ACER2: variants seen among roughly 807,000 people sequenced by gnomAD.
ACER2 encodes the protein alkCDase 2.
ACER2 carries 26 observed loss-of-function variants against 34.7 expected under a neutral mutation model. The observed-to-expected ratio is 0.75, with a 90% confidence interval of 0.55 to 1.04. The LOEUF (loss-of-function observed/expected upper bound fraction) is 1.04, where lower values mean the gene tolerates loss of function less well. ACER2 is among the 50% of genes least tolerant of loss of function. The pLI, the probability that ACER2 is intolerant of heterozygous loss-of-function variation, is 0.00. For missense variants in ACER2, 352 were observed against 340.8 expected, an observed-to-expected ratio of 1.03 and a Z score of -0.26; for synonymous variants, 138 against 132.1, an observed-to-expected ratio of 1.04 and a Z score of -0.31.
rs371700047 is a variant in ACER2 at position 19,441,882 on chromosome 9, GT to G, written c.504-4397del. Among the ~76,000 whole-genome samples the G allele has an allele frequency of 1.0e-3, 153 of 152,266 alleles. 4 individuals are homozygous for G. In the South Asian group the frequency reaches 0.028, roughly 28 times the overall value. ...AGACCTCTTTCCCGAATCTTCCCTG[GT>G]TGTCACCTGCAATGATGTTATGTCT... On this transcript the variant is annotated intron_variant, in intron 4 of 5. Coordinates refer to ENST00000340967, the MANE Select transcript of ACER2 (RefSeq NM_001010887.3).
intron 4 of ACER2, among the ~76,000 whole-genome samples, chr9:19,444,174 G>T (rs201234912): frequency 1.1e-5 from 1 of 89,122 alleles, no homozygotes; most frequent in South Asian, 3.7e-4. Flanking sequence ...AAAAAGAAAA[G>T]AAAAAAAAAA....
At chr9:19,440,507 A>G (rs1831120882) in intron 4 of ACER2, among the ~76,000 whole-genome samples, 1 of 152,128 alleles carries the variant, frequency 6.6e-6, no homozygotes, top group Admixed American at 6.5e-5. Flanking sequence ...TGGCCCTTCT[A>G]CCATGTGAGG....
At chr9:19,418,671 A>C (rs1478833700) in intron 1 of ACER2, among the ~76,000 whole-genome samples, 1 of 152,130 alleles carries the variant, frequency 6.6e-6, no homozygotes, top group African/African-American at 2.4e-5. Flanking sequence ...AGGGAGGGAA[A>C]CATCACACAC....
intron 1 of ACER2, among the ~76,000 whole-genome samples, chr9:19,410,693 G>C (rs1193757093): frequency 6.6e-6 from 1 of 152,162 alleles, no homozygotes; most frequent in Non-Finnish European, 1.5e-5. Flanking sequence ...CTGGGCAACA[G>C]GGTCTCAAAG....
chr9:19,428,600 A>T (rs1278382766), intron 3 of ACER2, among the ~76,000 whole-genome samples: 2 of 152,168 alleles, frequency 1.3e-5, no homozygotes, highest in Non-Finnish European at 2.9e-5. Flanking sequence ...AACCTAAAAA[A>T]AAAAGGCTCT....
chr9:19,428,437 G>C (rs932165732), intron 3 of ACER2, among the ~76,000 whole-genome samples: 4 of 152,020 alleles, frequency 2.6e-5, no homozygotes, highest in Non-Finnish European at 5.9e-5. Context: ...CAAAGTACTG[G>C]GATTACAGGT....
chr9:19,425,545 T>G (rs1830535389), intron 3 of ACER2, among the ~76,000 whole-genome samples: 1 of 152,242 alleles, frequency 6.6e-6, no homozygotes, highest in South Asian at 2.1e-4. Flanking sequence ...CTAATGAGCT[T>G]ACACTGAAGT....
In ACER2 at chr9:19,450,920, T is replaced by A. The variant is rs903944866; in HGVS notation, c.*284T>A. The stretch of plus-strand genomic sequence containing the variant: ...TAAACTTTCATGTTGTCACATCTGT[T>A]AATCTTTTCTTTAGGATTTCTGGAT... On this transcript the variant is annotated 3_prime_UTR_variant, in exon 6 of 6. Coordinates refer to ENST00000340967, the MANE Select transcript of ACER2 (RefSeq NM_001010887.3). 4.1e-6 allele frequency: 1 copy of A among 246,208 alleles called. No individual in the cohort carries two copies. Among genetic ancestry groups the A allele is most frequent in the African/African-American group, 2.2e-5 (1 of 44,738 alleles). 15.3% of individuals were successfully genotyped at this position (246,208 alleles called of 1,614,324 possible).
intron 4 of ACER2, among the ~76,000 whole-genome samples, chr9:19,445,942 A>T (rs1357571953): frequency 6.6e-6 from 1 of 152,174 alleles, no homozygotes; most frequent in African/African-American, 2.4e-5. Context: ...CTGATGGACT[A>T]GATGTGGGCT....
Position 19,449,271 on chromosome 9 carries a change from C to G in ACER2, c.642-1179C>G, listed in dbSNP as rs192433205. On this transcript the variant is annotated intron_variant, in intron 5 of 5. Coordinates refer to ENST00000340967, the MANE Select transcript of ACER2 (RefSeq NM_001010887.3). ...GTACAGAGAATAATACATTGAACCC[C>G]CATATAGGCAACACCCAGATTCCAT... Among the ~76,000 whole-genome samples the G allele has an allele frequency of 2.6e-5, 4 of 152,328 alleles. No individual in the cohort carries two copies. In the East Asian group the frequency reaches 7.7e-4, roughly 29 times the overall value.
intron 4 of ACER2, among the ~76,000 whole-genome samples, chr9:19,437,704 C>T (rs559119257): frequency 2.0e-5 from 3 of 152,178 alleles, no homozygotes; most frequent in South Asian, 2.1e-4. Context: ...ATACTTTCTT[C>T]TCCCCCTGAA....
In ACER2 at chr9:19,452,377, T is replaced by C. The variant is rs1439856040; in HGVS notation, c.*1741T>C. 6.6e-6 allele frequency among the ~76,000 whole-genome samples: 1 copy of C among 152,178 alleles called. No homozygotes were observed. The highest frequency in any genetic ancestry group is 1.5e-5 in the Non-Finnish European group (1 of 68,022). On this transcript the variant is annotated 3_prime_UTR_variant, in exon 6 of 6. Coordinates refer to ENST00000340967, the MANE Select transcript of ACER2 (RefSeq NM_001010887.3). Reference sequence around the variant, plus strand: ...TTTAGAGTTTAAAAATGAATGACTTTATGCTACATCTGTGGTTATCAAATT... The same window carrying C: ...TTTAGAGTTTAAAAATGAATGACTTCATGCTACATCTGTGGTTATCAAATT...
intron 4 of ACER2, among the ~76,000 whole-genome samples, chr9:19,444,617 C>T (rs1831288517): frequency 1.3e-5 from 2 of 152,276 alleles, no homozygotes; most frequent in South Asian, 2.1e-4. Context: ...GACGAGCTTG[C>T]ACTGAGGGGA....
chr9:19,413,824 C>G (rs1830160209), intron 1 of ACER2, among the ~76,000 whole-genome samples: 2 of 152,052 alleles, frequency 1.3e-5, no homozygotes, highest in Admixed American at 6.6e-5. Context: ...TGCTCTGTCC[C>G]CAGTCATCAA....
At chr9:19,442,479 G>C (rs1217682634) in intron 4 of ACER2, among the ~76,000 whole-genome samples, 1 of 152,210 alleles carries the variant, frequency 6.6e-6, no homozygotes, top group Non-Finnish European at 1.5e-5. Flanking sequence ...GCAGAGAAAG[G>C]TAACAGGCTG....
chr9:19,409,120 T>A lies in ACER2; in HGVS notation c.36T>A (p.Ala12=). ...CGCACTGGTGGGACCAGCTGCAGGC[T>A]GGTAGCTCGGAGGTGGACTGGTGCG... The part of the protein sequence containing the change: ...GAPHWWDQLQ[A]GSSEVDWCED... Residue 12 remains alanine (A), a synonymous_variant, in exon 1 of 6, where the codon GCT becomes GCA. Coordinates refer to ENST00000340967, the MANE Select transcript of ACER2 (RefSeq NM_001010887.3). 1 of 1,605,348 alleles carries A rather than the reference T, an allele frequency of 6.2e-7. No homozygotes were observed. The highest frequency in any genetic ancestry group is 8.5e-7 in the Non-Finnish European group (1 of 1,176,614).
chr9:19,409,090 C>A lies in ACER2; in HGVS notation c.6C>A (p.Gly2=). Residue 2 remains glycine (G), a synonymous_variant, in exon 1 of 6, where the codon GGC becomes GGA. Coordinates refer to ENST00000340967, the MANE Select transcript of ACER2 (RefSeq NM_001010887.3). M[G]APHWWDQLQA... is the part of the protein sequence containing the mutation. ...TCCAATGCCCCGGAGTGGCCATGGG[C>A]GCCCCGCACTGGTGGGACCAGCTGC... 1 of 1,586,084 alleles carries A rather than the reference C, an allele frequency of 6.3e-7. No homozygotes were observed. The highest frequency in any genetic ancestry group is 8.6e-7 in the Non-Finnish European group (1 of 1,166,948).
chr9:19,443,244 G>A (rs1444002231), intron 4 of ACER2, among the ~76,000 whole-genome samples: 3 of 152,160 alleles, frequency 2.0e-5, no homozygotes, highest in Non-Finnish European at 4.4e-5. Flanking sequence ...ACGTTAGCCA[G>A]GATGGTCTTG....
chr9:19,429,731 C>T (rs1317985299), intron 3 of ACER2, among the ~76,000 whole-genome samples: 3 of 152,126 alleles, frequency 2.0e-5, no homozygotes, highest in Non-Finnish European at 4.4e-5. Flanking sequence ...AGCAAGGGAG[C>T]AGTCTGGGAT....
Sources: gnomAD v4.1 joint callset for allele counts (sites outside exome capture counted in the v4.1 genomes callset) on GRCh38, gnomAD v4.1.1 for gene constraint, MANE v1.5 for transcripts, NCBI Gene and HGNC (gene_info 2026-07-23, HGNC 2026-07-21) for gene names.